SIMC1: variants seen among roughly 807,000 people sequenced by gnomAD.
SIMC1 encodes the protein SUMO-interacting motif-containing protein 1.
In SIMC1, 55 loss-of-function variants were observed where a neutral mutation model predicts 82.3. That is an observed-to-expected ratio of 0.67 (90% CI 0.54 to 0.84). The LOEUF is 0.84. Ranked by LOEUF, SIMC1 falls within the 40% of genes least tolerant of loss-of-function variation. The pLI is 0.00. For missense variants in SIMC1, 915 were observed against 1,107.2 expected, an observed-to-expected ratio of 0.83 and a Z score of 2.46; for synonymous variants, 353 against 426.3, an observed-to-expected ratio of 0.83 and a Z score of 2.12.
At position 176,313,799 on chromosome 5, in the gene SIMC1, A is replaced by G. The variant is rs1387842470; in HGVS notation, c.1843A>G (p.Ile615Val). ...GCAACGGCAGCACCTGCAGCAATCCATTGCAAACATGGTGCTTTCCTGTGA... is the reference window on the plus strand; with the variant it reads ...GCAACGGCAGCACCTGCAGCAATCCGTTGCAAACATGGTGCTTTCCTGTGA... ...RRQRQHLQQS[I>V]ANMVLSCDKQ... The change falls in exon 5 of 10, where the codon ATT becomes GTT. Residue 615 changes from isoleucine (I) to valine (V), a missense_variant. Ile to Val is a conservative substitution (Grantham distance 29). This residue lies in a region of SIMC1 where 902 missense variants were observed against 1,040.3 expected (regional missense o/e 0.87). Transcript: ENST00000429602. 2 of 1,613,832 alleles carry G rather than the reference A, an allele frequency of 1.2e-6. No individual in the cohort carries two copies. Among genetic ancestry groups the G allele is most frequent in the African/African-American group, 2.7e-5 (2 of 74,932 alleles).
At chr5:176,344,196 AGCACTGTACTTG>A (rs1358012190) in intron 9 of SIMC1, among the ~76,000 whole-genome samples, 1 of 152,208 alleles carries the variant, frequency 6.6e-6, no homozygotes, top group African/African-American at 2.4e-5. Context: ...TCAAATATGA[AGCACTGTACTTG>A]GCAGTCATAC....
intron 1 of SIMC1, among the ~76,000 whole-genome samples, chr5:176,277,445 T>A (rs892441837): frequency 2.6e-5 from 4 of 151,838 alleles, no homozygotes; most frequent in Non-Finnish European, 1.5e-5. Flanking sequence ...AGAAGCTCTT[T>A]AGTTTAATTA....
At chr5:176,303,259 C>T (rs1374826240) in intron 4 of SIMC1, among the ~76,000 whole-genome samples, 2 of 87,656 alleles carry the variant, frequency 2.3e-5, no homozygotes, top group Non-Finnish European at 4.8e-5. Context: ...CAGAGTGAGA[C>T]TCTGTCTTTA....
chr5:176,244,923 G>A (rs567633917), intron 1 of SIMC1, among the ~76,000 whole-genome samples: 1 of 152,064 alleles, frequency 6.6e-6, no homozygotes, highest in African/African-American at 2.4e-5. Context: ...GTTTTACCAT[G>A]TTGGTCAGGC....
At chr5:176,288,322 C>T (rs1258991464) in intron 1 of SIMC1, among the ~76,000 whole-genome samples, 1 of 152,052 alleles carries the variant, frequency 6.6e-6, no homozygotes, top group Non-Finnish European at 1.5e-5. Context: ...GCAGGAGAAT[C>T]ACGTGAACCC....
At chr5:176,339,145 C>G (rs1042105995) in intron 9 of SIMC1, among the ~76,000 whole-genome samples, 33 of 152,088 alleles carry the variant, frequency 2.2e-4, no homozygotes, top group Non-Finnish European at 4.7e-4. Flanking sequence ...GGGCGAATCA[C>G]AAGGTCAGGA....
chr5:176,254,144 C>T (rs1442179041), intron 1 of SIMC1, among the ~76,000 whole-genome samples: 6 of 152,066 alleles, frequency 3.9e-5, no homozygotes, highest in Non-Finnish European at 7.3e-5. Flanking sequence ...GAGAGAGCAA[C>T]AGTTGTATTA....
chr5:176,306,682 G>C (rs1191044723), intron 4 of SIMC1, among the ~76,000 whole-genome samples: 1 of 151,628 alleles, frequency 6.6e-6, no homozygotes, highest in Non-Finnish European at 1.5e-5. Flanking sequence ...GGCGGTGCAA[G>C]ATGTGCTTTG....
chr5:176,302,674 A>C (rs1398101718), intron 4 of SIMC1, among the ~76,000 whole-genome samples: 3 of 152,204 alleles, frequency 2.0e-5, no homozygotes, highest in Non-Finnish European at 4.4e-5. Context: ...CCAAAAAAAA[A>C]ACTAGTAAAT....
At chr5:176,309,939 AAAAG>A (rs1233563842) in intron 4 of SIMC1, among the ~76,000 whole-genome samples, 1 of 152,170 alleles carries the variant, frequency 6.6e-6, no homozygotes, top group East Asian at 1.9e-4. Context: ...TGTCTCAAAA[AAAAG>A]GCCACAAAAA....
intron 1 of SIMC1, among the ~76,000 whole-genome samples, chr5:176,282,895 G>A (rs150859570): frequency 0.14 from 21,429 of 152,232 alleles, 1,529 homozygotes; most frequent in Middle Eastern, 0.21. Flanking sequence ...TTCAGTAGCC[G>A]ATTCGATCAA....
chr5:176,292,482 A>G (rs1235292908), intron 2 of SIMC1, among the ~76,000 whole-genome samples: 18 of 152,004 alleles, frequency 1.2e-4, no homozygotes, highest in Non-Finnish European at 1.5e-5. Flanking sequence ...TTTTAAAATT[A>G]TTACATCTTC....
intron 7 of SIMC1, among the ~76,000 whole-genome samples, chr5:176,328,814 C>T (rs745570074): frequency 2.4e-4 from 36 of 152,040 alleles, no homozygotes; most frequent in Non-Finnish European, 4.7e-4. Context: ...TGAGCACAGG[C>T]GTATGAGGCT....
At chr5:176,259,789 AT>A (rs1418579949) in intron 1 of SIMC1, among the ~76,000 whole-genome samples, 3 of 151,518 alleles carry the variant, frequency 2.0e-5, no homozygotes, top group African/African-American at 7.3e-5. Flanking sequence ...AATAATAATC[AT>A]AAACTGTAAA....
At chr5:176,283,237 T>C (rs1281681902) in intron 1 of SIMC1, among the ~76,000 whole-genome samples, 1 of 152,024 alleles carries the variant, frequency 6.6e-6, no homozygotes, top group Non-Finnish European at 1.5e-5. Context: ...TTCAACAAAG[T>C]TGAAATGAAG....
chr5:176,265,876 A>G (rs905606642), intron 1 of SIMC1, among the ~76,000 whole-genome samples: 1 of 152,102 alleles, frequency 6.6e-6, no homozygotes, highest in Non-Finnish European at 1.5e-5. Flanking sequence ...AGTACCTTAT[A>G]GCTACCAAGG....
intron 1 of SIMC1, among the ~76,000 whole-genome samples, chr5:176,242,167 CCCA>C (rs1761297987): frequency 6.6e-6 from 1 of 151,978 alleles, no homozygotes; most frequent in African/African-American, 2.4e-5. Context: ...AACACTTGAG[CCCA>C]CCACAGCAGC....
chr5:176,291,536 C>T (rs1382193844), intron 2 of SIMC1, among the ~76,000 whole-genome samples: 18 of 151,952 alleles, frequency 1.2e-4, no homozygotes, highest in African/African-American at 2.4e-5. Flanking sequence ...CGGGGTTTCA[C>T]AGTGTTAGCC....
At chr5:176,303,192 C>T (rs542816027) in intron 4 of SIMC1, among the ~76,000 whole-genome samples, 6 of 150,342 alleles carry the variant, frequency 4.0e-5, no homozygotes, top group East Asian at 3.9e-4. Flanking sequence ...TGCTTGAACT[C>T]GGGAGGCAGA....
Sources: gnomAD v4.1 joint callset for allele counts (sites outside exome capture counted in the v4.1 genomes callset) on GRCh38, gnomAD v4.1.1 for gene constraint, gnomAD v4.1.1 regional missense constraint, MANE v1.5 for transcripts, NCBI Gene and HGNC (gene_info 2026-07-23, HGNC 2026-07-21) for gene names.